Variants in LTA observed in about 807,000 individuals in gnomAD.
LTA encodes the protein lymphotoxin alpha, also known as lymphotoxin-alpha.
In LTA, 6 loss-of-function variants were observed where a neutral mutation model predicts 15.1. The ratio of observed to expected loss-of-function variants is 0.40; its 90% CI spans 0.22 to 0.78. The LOEUF (loss-of-function observed/expected upper bound fraction) is 0.78, where lower values mean the gene tolerates loss of function less well. Ranked by LOEUF, LTA falls within the 30% of genes least tolerant of loss-of-function variation. LTA has a pLI of 0.38. For synonymous variants in LTA, 87 were observed against 107.3 expected, an observed-to-expected ratio of 0.81 and a Z score of 1.17; for missense variants, 173 against 249.5, an observed-to-expected ratio of 0.69 and a Z score of 2.06.
chr6:31,571,061 CT>C (rs9279358), upstream of LTA, among the ~76,000 whole-genome samples: 62,065 of 133,954 alleles, frequency 0.46, 13,222 homozygotes, highest in African/African-American at 0.56. Context: ...ATTTTGGAAA[CT>C]TTTTTTTTTT....
chr6:31,568,888 C>A (rs569981018), upstream of LTA, among the ~76,000 whole-genome samples: 1 of 152,172 alleles, frequency 6.6e-6, no homozygotes, highest in Non-Finnish European at 1.5e-5. This position sits in a 1 kb window ranked among gnomAD's most constrained non-coding sequence, Gnocchi z 4.1. Context: ...CCCCATCACC[C>A]TTCTTGCCTT....
rs144462100 is a variant in LTA at position 31,572,945 on chromosome 6, C to T, written c.117C>T (p.Gly39=). The T allele has an allele frequency of 8.8e-5, 142 of 1,612,574 alleles. No homozygotes were observed. In the African/African-American group the frequency reaches 1.8e-3, roughly 20 times the overall value. Residue 39 remains glycine (G), a synonymous_variant, in exon 3 of 4, where the codon GGC becomes GGT. Coordinates refer to ENST00000418386, the MANE Select transcript of LTA (RefSeq NM_000595.4). ...TCCCCTAGGGGCTCCCTGGTGTTGGCCTCACACCTTCAGCTGCCCAGACTG... is the reference window on the plus strand; with the variant it reads ...TCCCCTAGGGGCTCCCTGGTGTTGGTCTCACACCTTCAGCTGCCCAGACTG... ...LPGAQGLPGV[G]LTPSAAQTAR...
In LTA at chr6:31,573,483, G is replaced by T; in HGVS notation, c.408G>T (p.Gln136His). The T allele has an allele frequency of 1.2e-6, 2 of 1,614,058 alleles. No homozygotes were observed. The highest frequency in any genetic ancestry group is 1.7e-6 in the Non-Finnish European group (2 of 1,179,974). ...SSPLYLAHEV[Q>H]LFSSQYPFHV... ...CACTCTACCTGGCCCATGAGGTCCA[G>T]CTCTTCTCCTCCCAGTACCCCTTCC... The change falls in exon 4 of 4, where the codon CAG becomes CAT. Residue 136 changes from glutamine (Q) to histidine (H), a missense_variant. Coordinates refer to ENST00000418386, the MANE Select transcript of LTA (RefSeq NM_000595.4).
At chr6:31,569,666 G>A (rs953363331), upstream of LTA, among the ~76,000 whole-genome samples, 17 of 152,150 alleles carry the variant, frequency 1.1e-4, no homozygotes, top group African/African-American at 2.4e-4. Flanking sequence ...GCTTGGTGGC[G>A]TGTGCCTGTA....
the LTA span, among the ~76,000 whole-genome samples, chr6:31,565,981 C>G: frequency 1.3e-5 from 2 of 152,014 alleles, no homozygotes; most frequent in Admixed American, 1.3e-4. Context: ...AGTTCAAGAC[C>G]AGCCTGCCCA....
rs758284339 is a variant in LTA, at chr6:31,573,337, C to G, written c.262C>G (p.Leu88Val). ...GAGAGCAAACACGGACCGTGCCTTCCTCCAGGATGGTTTCTCCTTGAGCAA... is the reference window on the plus strand; with the variant it reads ...GAGAGCAAACACGGACCGTGCCTTCGTCCAGGATGGTTTCTCCTTGAGCAA... ...LWRANTDRAF[L>V]QDGFSLSNNS... Residue 88 changes from leucine (L) to valine (V), a missense_variant, in exon 4 of 4, where the codon CTC becomes GTC. Coordinates refer to ENST00000418386, the MANE Select transcript of LTA (RefSeq NM_000595.4). 6.2e-7 allele frequency: 1 copy of G among 1,614,012 alleles called. No individual in the cohort carries two copies. The highest frequency in any genetic ancestry group is 1.1e-5 in the South Asian group (1 of 91,084).
chr6:31,566,177 CAAA>C, the LTA span, among the ~76,000 whole-genome samples: 2 of 130,056 alleles, frequency 1.5e-5, no homozygotes, highest in African/African-American at 5.7e-5. Flanking sequence ...GACGCCATCT[CAAA>C]AAAAAAAAAA....
At chr6:31,570,000 C>A (rs1770751889), upstream of LTA, among the ~76,000 whole-genome samples, 1 of 152,188 alleles carries the variant, frequency 6.6e-6, no homozygotes. Context: ...TGTTCAATTA[C>A]ATTTCTGCAC....
the LTA span, among the ~76,000 whole-genome samples, chr6:31,566,073 G>C: frequency 6.6e-6 from 1 of 152,018 alleles, no homozygotes; most frequent in Non-Finnish European, 1.5e-5. Flanking sequence ...AGCTACTCGG[G>C]GGGCCGAGGC....
Position 31,572,428 on chromosome 6 carries a change from T to TGCCTGG in LTA, c.-17_-12dup, listed in dbSNP as rs1168104262. 3 of 502,502 alleles carry TGCCTGG rather than the reference T, an allele frequency of 6.0e-6. No homozygotes were observed. Among genetic ancestry groups the TGCCTGG allele is most frequent in the Non-Finnish European group, 1.1e-5 (3 of 281,628 alleles). 31.1% of individuals were successfully genotyped at this position (502,502 alleles called of 1,614,324 possible). ...GCACCTGCTGCCTGGATCCCCGGCC[T>TGCCTGG]GCCTGGGCCTGGGCCTTGGTGGGTT... is the stretch of plus-strand genomic sequence containing the variant. On this transcript the variant is annotated 5_prime_UTR_variant, in exon 1 of 4. Transcript: ENST00000418386.
the LTA span, among the ~76,000 whole-genome samples, chr6:31,562,140 C>T: frequency 6.6e-6 from 1 of 151,872 alleles, no homozygotes; most frequent in East Asian, 1.9e-4. Context: ...CAAGCAGAGA[C>T]AGGGCAGCCA....
At position 31,573,974 on chromosome 6, in the gene LTA, TG is replaced by T. The variant is rs1771012075; in HGVS notation, c.*285del. ...CTGTTGGTCTGTCCCACCAGCTAGG[TG>T]GGGCCTAGATCCACACACAGAGGAA... On this transcript the variant is annotated 3_prime_UTR_variant, in exon 4 of 4. Transcript: ENST00000418386. 1 of 614,376 alleles carries T rather than the reference TG, an allele frequency of 1.6e-6. No homozygotes were observed. Among genetic ancestry groups the T allele is most frequent in the Non-Finnish European group, 3.0e-6 (1 of 336,814 alleles). The allele number at this position is 614,376 out of a possible 1,614,324, so 38.1% of individuals were successfully genotyped here.
chr6:31,566,653 A>C, the LTA span, among the ~76,000 whole-genome samples: 2 of 146,716 alleles, frequency 1.4e-5, no homozygotes, highest in Non-Finnish European at 3.0e-5. Context: ...AAAAAAAAAA[A>C]AAAAAAAGGC....
At chr6:31,566,347 G>GA in the LTA span, among the ~76,000 whole-genome samples, 131 of 148,128 alleles carry the variant, frequency 8.8e-4, no homozygotes, top group African/African-American at 2.3e-3. Flanking sequence ...CCATCTCTTA[G>GA]AAAAAAAAAA....
rs1771008222 is a variant in LTA at position 31,573,910 on chromosome 6, T to C, written c.*217T>C. ...GAACCATCCCTGATGTCTGTCTGGC[T>C]GAGGATTTCAAGCCTGCCTAGGAAT... On this transcript the variant is annotated 3_prime_UTR_variant, in exon 4 of 4. Coordinates refer to ENST00000418386, the MANE Select transcript of LTA (RefSeq NM_000595.4). The C allele has an allele frequency of 1.4e-6, 1 of 711,496 alleles. No individual in the cohort carries two copies. The highest frequency in any genetic ancestry group is 2.0e-5 in the Admixed American group (1 of 49,572). 44.1% of individuals were successfully genotyped at this position (711,496 alleles called of 1,614,324 possible).
chr6:31,572,193 C>T (rs1274864830), upstream of LTA: 3 of 165,770 alleles, frequency 1.8e-5, no homozygotes. Context: ...CTGGGGGCTT[C>T]CCCGGGCCCC....
chr6:31,564,075 T>C, the LTA span, among the ~76,000 whole-genome samples: 1 of 152,088 alleles, frequency 6.6e-6, no homozygotes, highest in Non-Finnish European at 1.5e-5. Flanking sequence ...AAGTGAGTGG[T>C]TGTGATGAGA....
the LTA span, among the ~76,000 whole-genome samples, chr6:31,566,642 G>GA: frequency 9.9e-4 from 122 of 122,984 alleles, no homozygotes; most frequent in South Asian, 3.2e-3. Flanking sequence ...TGTCTTAAAA[G>GA]AAAAAAAAAA....
At chr6:31,572,712 C>G in intron 1 of LTA, 22 bp from the exon 2 acceptor site, 11 of 1,541,776 alleles carry the variant, frequency 7.1e-6, no homozygotes, top group East Asian at 2.2e-5. Flanking sequence ...CTGTCTCTCT[C>G]TCTCTCTCTC....
Sources: allele counts gnomAD v4.1 joint callset (sites outside exome capture counted in the v4.1 genomes callset), GRCh38; gene constraint gnomAD v4.1.1; non-coding constraint Gnocchi (gnomAD v3.1); transcripts MANE v1.5; gene names NCBI Gene and HGNC (gene_info 2026-07-23, HGNC 2026-07-21).